The following NUP210L variants were observed in gnomAD, a reference collection of about 807,000 sequenced individuals.
NUP210L encodes nuclear pore membrane glycoprotein 210-like.
A neutral mutation model predicts 208.5 loss-of-function variants in NUP210L; 74 were observed. That is an observed-to-expected ratio of 0.35 (90% CI 0.29 to 0.43). NUP210L has a LOEUF of 0.43. NUP210L is among the 20% of genes least tolerant of loss of function. The pLI is 1.00. For synonymous variants in NUP210L, 780 were observed against 816.9 expected, an observed-to-expected ratio of 0.95 and a Z score of 0.77; for missense variants, 1,843 against 2,289.4, an observed-to-expected ratio of 0.81 and a Z score of 3.98.
intron 27 of NUP210L, among the ~76,000 whole-genome samples, chr1:154,036,354 G>GTAACTTTTTTTTTTT (rs1652546899): frequency 2.4e-5 from 2 of 81,992 alleles, no homozygotes; most frequent in African/African-American, 8.0e-5. Flanking sequence ...GTGTGTGTGT[G>GTAACTTTTTTTTTTT]TGTGTGTATA....
Position 154,141,346 on chromosome 1 carries a change from C to T in NUP210L, c.566+85G>A, listed in dbSNP as rs1289354224. 8.3e-6 allele frequency: 7 copies of T among 840,214 alleles called. No individual in the cohort carries two copies. In the African/African-American group the frequency reaches 1.0e-4, roughly 12 times the overall value. The allele number at this position is 840,214 out of a possible 1,614,324, so 52.0% of individuals were successfully genotyped here. A position where few individuals can be genotyped will look rare whatever the true frequency, so the allele number is the denominator to read the frequency against. Reference sequence around the variant, plus strand: ...TAGATAGCAGGGTCATCAAAGTCCACACAAATGGTTGCTTGTTCAGCATGC... The same window carrying T: ...TAGATAGCAGGGTCATCAAAGTCCATACAAATGGTTGCTTGTTCAGCATGC... On this transcript the variant is annotated intron_variant, in intron 4 of 39. Transcript: ENST00000368559.
At chr1:154,035,336 T>C (rs2147951143) in intron 27 of NUP210L, among the ~76,000 whole-genome samples, 1 of 152,188 alleles carries the variant, frequency 6.6e-6, no homozygotes, top group African/African-American at 2.4e-5. Flanking sequence ...ATTCTGGGTA[T>C]GGTTTGCTCT....
chr1:154,123,393 G>A (rs1051674332), intron 10 of NUP210L, among the ~76,000 whole-genome samples: 2 of 151,874 alleles, frequency 1.3e-5, no homozygotes, highest in Non-Finnish European at 1.5e-5. Context: ...TGATCCACCC[G>A]CCTGGGCCTT....
At chr1:154,148,066 C>CGGCCAACAT (rs1176317150) in intron 2 of NUP210L, among the ~76,000 whole-genome samples, 2 of 149,494 alleles carry the variant, frequency 1.3e-5, no homozygotes, top group Non-Finnish European at 3.0e-5. Flanking sequence ...GAGACCAGCC[C>CGGCCAACAT]GGCCAACATG....
chr1:154,009,178 T>G (rs1650751241), intron 35 of NUP210L, among the ~76,000 whole-genome samples: 1 of 152,076 alleles, frequency 6.6e-6, no homozygotes. Flanking sequence ...CCCAAAGTAC[T>G]GGGATTACAG....
intron 18 of NUP210L, 25 bp downstream of exon 18, chr1:154,061,561 T>C: frequency 7.7e-7 from 1 of 1,297,068 alleles, no homozygotes. Flanking sequence ...TAATTTATAT[T>C]TCTTACATTA....
intron 3 of NUP210L, among the ~76,000 whole-genome samples, chr1:154,142,883 C>T (rs1658922938): frequency 7.0e-6 from 1 of 142,766 alleles, no homozygotes; most frequent in South Asian, 2.2e-4. Flanking sequence ...AGCGAGACTC[C>T]ATCTCAAAAA....
intron 37 of NUP210L, among the ~76,000 whole-genome samples, chr1:153,998,158 C>A (rs1251030194): frequency 2.6e-5 from 4 of 152,090 alleles, no homozygotes; most frequent in African/African-American, 9.7e-5. Context: ...TCAATGAATT[C>A]TGTTGGTGAC....
At chr1:154,054,438 G>A (rs749999078) in intron 24 of NUP210L, 31 bp from the exon 25 acceptor site, 2 of 1,598,182 alleles carry the variant, frequency 1.3e-6, no homozygotes, top group African/African-American at 2.7e-5. Context: ...TGAATGCCTA[G>A]AACATGAGGG....
At chr1:154,040,952 G>A (rs1652841970) in intron 27 of NUP210L, among the ~76,000 whole-genome samples, 1 of 151,616 alleles carries the variant, frequency 6.6e-6, no homozygotes, top group African/African-American at 2.4e-5. Flanking sequence ...GGAAATGGTG[G>A]AAGCAGTTTC....
At chr1:154,057,219 C>T in intron 22 of NUP210L, among the ~76,000 whole-genome samples, 1 of 152,048 alleles carries the variant, frequency 6.6e-6, no homozygotes, top group African/African-American at 2.4e-5. Context: ...TTCAAGCAAT[C>T]CTCCTGCCAC....
intron 2 of NUP210L, among the ~76,000 whole-genome samples, chr1:154,144,130 G>A (rs942395660): frequency 2.0e-5 from 3 of 151,972 alleles, no homozygotes; most frequent in African/African-American, 7.3e-5. Flanking sequence ...GTAGGGAGTC[G>A]AGATCACGCC....
At chr1:154,070,202 C>A (rs973872705) in intron 17 of NUP210L, 71 bp downstream of exon 17, 13 of 1,279,782 alleles carry the variant, frequency 1.0e-5, no homozygotes, top group Non-Finnish European at 1.2e-5. Context: ...AAGCAAAAAA[C>A]AAAACAAAAC....
chr1:154,121,604 C>T (rs1361506325), intron 10 of NUP210L, among the ~76,000 whole-genome samples: 1 of 152,198 alleles, frequency 6.6e-6, no homozygotes, highest in Non-Finnish European at 1.5e-5. Flanking sequence ...CGGTGGCTCA[C>T]GCCTGTAATC....
At chr1:154,049,103 T>G (rs954743851) in intron 25 of NUP210L, among the ~76,000 whole-genome samples, 8 of 152,204 alleles carry the variant, frequency 5.3e-5, no homozygotes, top group African/African-American at 1.9e-4. Context: ...CAATCATTTC[T>G]CTACAGCACT....
At chr1:153,993,710 C>G (rs1401071722) in intron 38 of NUP210L, among the ~76,000 whole-genome samples, 1 of 151,532 alleles carries the variant, frequency 6.6e-6, no homozygotes, top group Non-Finnish European at 1.5e-5. Context: ...GTCAGGCATT[C>G]AAGACCAGCC....
intron 37 of NUP210L, among the ~76,000 whole-genome samples, chr1:154,000,529 C>T (rs759711446): frequency 3.3e-5 from 5 of 152,178 alleles, no homozygotes; most frequent in African/African-American, 4.8e-5. Flanking sequence ...ACAAGCACTG[C>T]ACTGTGATAC....
At chr1:154,027,100 A>C (rs1161583045) in intron 29 of NUP210L, among the ~76,000 whole-genome samples, 10 of 150,018 alleles carry the variant, frequency 6.7e-5, no homozygotes, top group South Asian at 2.1e-4. Flanking sequence ...AAAAAAACAA[A>C]AAAAAAAAAA....
chr1:154,006,966 A>ATATATATATATTTTTTT (rs1211789619), intron 35 of NUP210L, among the ~76,000 whole-genome samples: 1 of 115,810 alleles, frequency 8.6e-6, no homozygotes, highest in African/African-American at 3.3e-5. Flanking sequence ...ATATATATAT[A>ATATATATATATTTTTTT]TTTTTTTTTT....
Sources: gnomAD v4.1 joint callset for allele counts (sites outside exome capture counted in the v4.1 genomes callset) on GRCh38, gnomAD v4.1.1 for gene constraint, MANE v1.5 for transcripts, NCBI Gene and HGNC (gene_info 2026-07-23, HGNC 2026-07-21) for gene names.